The following NLGN1 variants were observed in gnomAD, a reference collection of about 807,000 sequenced individuals.
NLGN1 encodes the protein neuroligin-1.
Under a neutral mutation model 65.5 loss-of-function variants are expected in NLGN1, and 12 were observed. The observed-to-expected ratio is 0.18, with a 90% CI of 0.12 to 0.30. The LOEUF is 0.30. Ranked by LOEUF, NLGN1 falls within the 10% of genes least tolerant of loss-of-function variation. NLGN1 has a pLI of 1.00. For missense variants in NLGN1, 750 were observed against 1,007.1 expected (o/e 0.74, Z 3.46); for synonymous variants, 350 against 359.5 (o/e 0.97, Z 0.30).
At position 173,513,314 on chromosome 3, in the gene NLGN1, T is replaced by C. The variant is rs1480861527; in HGVS notation, c.-321+78236T>C. On this transcript the variant is annotated intron_variant, in intron 2 of 6. Transcript: ENST00000457714. ...AGAACGGGTATGCCCCTATGACTAATCCTTTCTAGACACTTTTGGAACAAG... is the reference window on the plus strand; with the variant it reads ...AGAACGGGTATGCCCCTATGACTAACCCTTTCTAGACACTTTTGGAACAAG... 2.6e-5 allele frequency among the ~76,000 whole-genome samples: 4 copies of C among 152,146 alleles called. No homozygotes were observed. In the East Asian group the frequency reaches 7.7e-4, roughly 29 times the overall value.
At chr3:174,037,322 T>C (rs1363962521) in intron 4 of NLGN1, among the ~76,000 whole-genome samples, 1 of 152,184 alleles carries the variant, frequency 6.6e-6, no homozygotes, top group East Asian at 1.9e-4. Context: ...TGTATAGACA[T>C]ACTTTCATTT....
intron 4 of NLGN1, among the ~76,000 whole-genome samples, chr3:173,874,601 T>G (rs1731780838): frequency 6.6e-6 from 1 of 152,182 alleles, no homozygotes; most frequent in Admixed American, 6.5e-5. Flanking sequence ...ATTTCCAACA[T>G]TCAAAATGGA....
chr3:173,965,479 G>A (rs1313912421), intron 4 of NLGN1, among the ~76,000 whole-genome samples: 1 of 147,622 alleles, frequency 6.8e-6, no homozygotes, highest in African/African-American at 2.5e-5. Flanking sequence ...CACCAGGCCC[G>A]GCTTTTTTTT....
intron 4 of NLGN1, among the ~76,000 whole-genome samples, chr3:173,844,154 A>G (rs1725311003): frequency 6.6e-6 from 1 of 151,928 alleles, no homozygotes; most frequent in African/African-American, 2.4e-5. Flanking sequence ...CACAGGAAAA[A>G]CCCACCCCCA....
intron 4 of NLGN1, among the ~76,000 whole-genome samples, chr3:174,107,013 CACACAGAGAGAGAGAG>C (rs1468323041): frequency 3.0e-3 from 298 of 100,544 alleles, no homozygotes; most frequent in African/African-American, 0.012. Flanking sequence ...CACACACACA[CACACAGAGAGAGAGAG>C]AGAGAGAGAG....
intron 4 of NLGN1, among the ~76,000 whole-genome samples, chr3:173,983,627 T>C (rs939463412): frequency 6.6e-6 from 1 of 152,134 alleles, no homozygotes; most frequent in African/African-American, 2.4e-5. Context: ...AGTCTCTGAC[T>C]CGTGCCCAGT....
At chr3:174,155,255 G>A (rs1256247679) in intron 4 of NLGN1, among the ~76,000 whole-genome samples, 1 of 151,022 alleles carries the variant, frequency 6.6e-6, no homozygotes, top group Non-Finnish European at 1.5e-5. Flanking sequence ...GGTGGAGGCT[G>A]TTTATGTTTT....
intron 4 of NLGN1, among the ~76,000 whole-genome samples, chr3:173,857,296 G>A (rs1019347108): frequency 2.0e-5 from 3 of 152,012 alleles, no homozygotes; most frequent in Non-Finnish European, 4.4e-5. Flanking sequence ...GCTGGGACTT[G>A]CACACCACTT....
intron 3 of NLGN1, among the ~76,000 whole-genome samples, chr3:173,711,682 T>C: frequency 6.6e-6 from 1 of 152,158 alleles, no homozygotes; most frequent in South Asian, 2.1e-4. Flanking sequence ...ATCTCTTACC[T>C]GTTCTTATGA....
chr3:173,651,980 G>C (rs1759258565), intron 3 of NLGN1, among the ~76,000 whole-genome samples: 1 of 152,110 alleles, frequency 6.6e-6, no homozygotes, highest in African/African-American at 2.4e-5. Context: ...TTCTAGTAGA[G>C]ATGGGATTTC....
At chr3:173,852,503 A>C (rs1727174066) in intron 4 of NLGN1, among the ~76,000 whole-genome samples, 1 of 152,040 alleles carries the variant, frequency 6.6e-6, no homozygotes, top group Admixed American at 6.6e-5. Flanking sequence ...TCTTGTGTTG[A>C]ATTATAAAAA....
chr3:173,830,010 G>GTGTT lies in NLGN1; in HGVS notation c.646+22178_646+22179insTGTT, dbSNP rs76306125. ...TATAGAATTACAGTGGGTAGTGTGG[G>GTGTT]GGGGGGAGGGAGAGAATAAAAAGAA... On this transcript the variant is annotated intron_variant, in intron 4 of 6. Transcript: ENST00000457714. Among the ~76,000 whole-genome samples the GTGTT allele has an allele frequency of 8.0e-3, 1,110 of 139,348 alleles. 8 individuals are homozygous for GTGTT. The highest frequency in any genetic ancestry group is 0.011 in the Non-Finnish European group (726 of 64,860). The allele number at this position is 139,348 out of a possible 152,430, so 91.4% of individuals were successfully genotyped here.
At chr3:174,243,574 T>C (rs748301048) in intron 4 of NLGN1, among the ~76,000 whole-genome samples, 24 of 151,860 alleles carry the variant, frequency 1.6e-4, no homozygotes, top group Non-Finnish European at 3.2e-4. Context: ...ATTCCTTTTC[T>C]ATTCCAGTTT....
At chr3:174,242,372 G>A (rs1012493829) in intron 4 of NLGN1, among the ~76,000 whole-genome samples, 1 of 116,850 alleles carries the variant, frequency 8.6e-6, no homozygotes, top group African/African-American at 4.0e-5. Flanking sequence ...CAGCCTGGGC[G>A]ACAGAGTGAG....
chr3:174,092,400 G>T (rs1744688415), intron 4 of NLGN1, among the ~76,000 whole-genome samples: 1 of 152,114 alleles, frequency 6.6e-6, no homozygotes, highest in South Asian at 2.1e-4. Context: ...GGAAAATTTT[G>T]TGGAAGATGA....
chr3:173,946,765 C>T (rs189631524), intron 4 of NLGN1, among the ~76,000 whole-genome samples: 6 of 152,168 alleles, frequency 3.9e-5, no homozygotes, highest in African/African-American at 1.4e-4. Context: ...TATCTTTAAC[C>T]ATTGCCAATA....
chr3:173,609,052 T>A (rs1474081997), intron 3 of NLGN1, among the ~76,000 whole-genome samples: 1 of 151,986 alleles, frequency 6.6e-6, no homozygotes, highest in Non-Finnish European at 1.5e-5. Context: ...TTTCTTTAGG[T>A]TGCTCTCCTG....
rs113474137 is a variant in NLGN1, at chr3:174,055,150, CTTT to C, written c.647-220148_647-220146del. Among the ~76,000 whole-genome samples, 748 of 117,592 alleles carry C rather than the reference CTTT, an allele frequency of 6.4e-3. 5 individuals carry two copies. The highest frequency in any genetic ancestry group is 0.022 in the African/African-American group (703 of 32,568). 77.1% of individuals were successfully genotyped at this position (117,592 alleles called of 152,430 possible). On this transcript the variant is annotated intron_variant, in intron 4 of 6. Transcript: ENST00000457714. ...AATATCAACTCCTTAAAGGAGCTTG[CTTT>C]TTTTTTTTTTTTTTTTCTGTCCAGT... is the stretch of plus-strand genomic sequence containing the variant.
intron 4 of NLGN1, among the ~76,000 whole-genome samples, chr3:173,878,068 G>A (rs1357381213): frequency 1.3e-5 from 2 of 151,898 alleles, no homozygotes; most frequent in African/African-American, 4.8e-5. Flanking sequence ...TTGAGACAGA[G>A]TCTCGCTCTG....
Sources: allele counts gnomAD v4.1 joint callset (sites outside exome capture counted in the v4.1 genomes callset), GRCh38; gene constraint gnomAD v4.1.1; transcripts MANE v1.5; gene names NCBI Gene and HGNC (gene_info 2026-07-23, HGNC 2026-07-21).